Variants in DMD observed in about 807,000 individuals in gnomAD.
DMD encodes mutant dystrophin.
DMD carries 63 observed loss-of-function variants against 330.1 expected under a neutral mutation model. That is an observed-to-expected ratio of 0.19 (90% CI 0.16 to 0.24). DMD has a LOEUF of 0.24. Among genes scored for constraint, DMD ranks in the 10% least tolerant of loss-of-function variants. The pLI is 1.00. For missense variants in DMD, 3,344 were observed against 2,684.1 expected (o/e 1.25, Z -5.43); for synonymous variants, 1,223 against 959.8 (o/e 1.27, Z -5.07).
intron 62 of DMD, among the ~76,000 whole-genome samples, chrX:31,285,624 G>A (rs1414882408): frequency 1.8e-5 from 2 of 111,563 alleles, no homozygotes; most frequent in African/African-American, 6.5e-5. Flanking sequence ...TCAGTCTTTT[G>A]TGCTTCCAAA....
intron 52 of DMD, among the ~76,000 whole-genome samples, chrX:31,688,967 T>C (rs994302753): frequency 6.3e-5 from 7 of 111,660 alleles, no homozygotes; most frequent in African/African-American, 2.0e-4. Flanking sequence ...ATGGGACGTA[T>C]CTCAAAATAG....
chrX:32,210,609 T>C lies in DMD; in HGVS notation c.6438+6307A>G, dbSNP rs187687418. Among the ~76,000 whole-genome samples, 480 of 111,963 alleles carry C rather than the reference T, an allele frequency of 4.3e-3. 1 individual carries two copies. The highest frequency in any genetic ancestry group is 6.9e-3 in the Non-Finnish European group (369 of 53,180). ...TTTTCTAGATTATCCTTTAATTCAATCTGTATTAATATAAATTCACTTACC... is the reference window on the plus strand; with the variant it reads ...TTTTCTAGATTATCCTTTAATTCAACCTGTATTAATATAAATTCACTTACC... On this transcript the variant is annotated intron_variant, in intron 44 of 78. Coordinates refer to ENST00000357033, the MANE Select transcript of DMD (RefSeq NM_004006.3).
At chrX:32,727,351 G>C (rs1351392724) in intron 7 of DMD, among the ~76,000 whole-genome samples, 5 of 110,993 alleles carry the variant, frequency 4.5e-5, no homozygotes, top group South Asian at 3.8e-4. Context: ...AATTCATTGA[G>C]ACTTGTATAA....
chrX:33,113,601 CA>C (rs1269808363), intron 1 of DMD, among the ~76,000 whole-genome samples: 2 of 84,467 alleles, frequency 2.4e-5, no homozygotes, highest in African/African-American at 4.5e-5. Flanking sequence ...CCCCCCCCCC[CA>C]AAAAAATCTT....
At chrX:31,369,902 A>G (rs2059450415) in intron 60 of DMD, among the ~76,000 whole-genome samples, 1 of 111,069 alleles carries the variant, frequency 9.0e-6, no homozygotes. Context: ...CATATAAAAC[A>G]GGAGAGCCAA....
Position 32,660,709 on chromosome X carries a change from A to G in DMD, c.961-15557T>C, listed in dbSNP as rs191182098. 2.7e-3 allele frequency among the ~76,000 whole-genome samples: 304 copies of G among 111,404 alleles called. 2 individuals are homozygous for G. Among genetic ancestry groups the G allele is most frequent in the Middle Eastern group, 9.2e-3 (2 of 217 alleles). On this transcript the variant is annotated intron_variant, in intron 9 of 78. Transcript: ENST00000357033. ...TTTTGGAAATAATTTGAGAAATAAC[A>G]TAGTACTCACAGCCACTTGCCAACC...
intron 63 of DMD, among the ~76,000 whole-genome samples, chrX:31,258,943 C>A (rs1396820475): frequency 1.3e-5 from 1 of 79,042 alleles, no homozygotes; most frequent in Non-Finnish European, 2.4e-5. Context: ...ACATTACTTT[C>A]CAGTGGAAAA....
chrX:31,209,308 T>C (rs1404855557), intron 65 of DMD, among the ~76,000 whole-genome samples, 190 bp downstream of exon 65: 1 of 112,095 alleles, frequency 8.9e-6, no homozygotes, highest in Non-Finnish European at 1.9e-5. Context: ...GAGAGCAATC[T>C]ACATTCTGGC....
intron 61 of DMD, among the ~76,000 whole-genome samples, chrX:31,347,741 T>A (rs755592928): frequency 1.8e-5 from 2 of 112,681 alleles, no homozygotes; most frequent in Non-Finnish European, 3.8e-5. Flanking sequence ...TTGGGATGGA[T>A]AACCAGTAGT....
chrX:32,090,676 C>T (rs1379473570), intron 44 of DMD, among the ~76,000 whole-genome samples: 1 of 111,973 alleles, frequency 8.9e-6, no homozygotes, highest in Non-Finnish European at 1.9e-5. Context: ...GTTACCCTCA[C>T]ACACTCAGGT....
rs761892326 is a variant in DMD at position 31,168,218 on chromosome X, G to C, written c.10553+1225C>G. Among the ~76,000 whole-genome samples, 4 of 111,856 alleles carry C rather than the reference G, an allele frequency of 3.6e-5. No individual in the cohort carries two copies. In the East Asian group the frequency reaches 1.1e-3, roughly 31 times the overall value. ...TACAACAGCATAGCCAGAACACAGG[G>C]AGAACAAAAGAAGATGGCATAGAAA... On this transcript the variant is annotated intron_variant, in intron 74 of 78. Coordinates refer to ENST00000357033, the MANE Select transcript of DMD (RefSeq NM_004006.3).
intron 50 of DMD, among the ~76,000 whole-genome samples, chrX:31,777,474 A>ATT (rs199905015): frequency 5.9e-5 from 6 of 101,900 alleles, no homozygotes; most frequent in East Asian, 3.1e-4. Flanking sequence ...TTGCTCTATA[A>ATT]TTTTTTTTTT....
intron 42 of DMD, 133 bp downstream of exon 42, chrX:32,309,949 A>G: frequency 1.8e-6 from 1 of 555,160 alleles, no homozygotes; most frequent in Admixed American, 3.3e-5. Flanking sequence ...CCACACTATC[A>G]AGTATTTTTA....
intron 2 of DMD, among the ~76,000 whole-genome samples, chrX:32,860,479 G>A (rs1433339550): frequency 1.8e-5 from 2 of 111,599 alleles, no homozygotes; most frequent in African/African-American, 6.5e-5. Context: ...ACAAAGAATT[G>A]CAAAACTGGG....
rs191899552 is a variant in DMD at position 32,404,565 on chromosome X, G to A, written c.4233+7187C>T. Among the ~76,000 whole-genome samples, 10 of 111,155 alleles carry A rather than the reference G, an allele frequency of 9.0e-5. No homozygotes were observed. The East Asian group carries it at 2.8e-3, about 31-fold the overall frequency. ...TTGCTTGCAGTAATTTAAGCAACAG[G>A]GCCATGTTTTCCCCTACAAAATGTG... is the stretch of plus-strand genomic sequence containing the variant. On this transcript the variant is annotated intron_variant, in intron 30 of 78. Coordinates refer to ENST00000357033, the MANE Select transcript of DMD (RefSeq NM_004006.3).
intron 50 of DMD, among the ~76,000 whole-genome samples, chrX:31,791,262 A>T (rs1416791830): frequency 8.9e-6 from 1 of 112,388 alleles, no homozygotes; most frequent in Non-Finnish European, 1.9e-5. Context: ...GATATAAAAT[A>T]TCCAAATTGT....
At chrX:31,908,623 G>A (rs979876693) in intron 47 of DMD, among the ~76,000 whole-genome samples, 2 of 105,636 alleles carry the variant, frequency 1.9e-5, no homozygotes, top group Non-Finnish European at 3.9e-5. Flanking sequence ...TGTAAATGAC[G>A]AGTTAATGGG....
intron 7 of DMD, among the ~76,000 whole-genome samples, chrX:32,729,529 G>A (rs1050420370): frequency 1.6e-4 from 18 of 111,532 alleles, no homozygotes; most frequent in Non-Finnish European, 1.3e-4. Context: ...TCCAAGAGGA[G>A]TATTATATGC....
At chrX:32,814,881 A>G (rs1199168947) in intron 6 of DMD, among the ~76,000 whole-genome samples, 2 of 111,635 alleles carry the variant, frequency 1.8e-5, no homozygotes, top group East Asian at 5.7e-4. Flanking sequence ...GATCCTTGAT[A>G]TTTTTATTCA....
Sources: gnomAD v4.1 joint callset for allele counts (sites outside exome capture counted in the v4.1 genomes callset) on GRCh38, gnomAD v4.1.1 for gene constraint, MANE v1.5 for transcripts, NCBI Gene and HGNC (gene_info 2026-07-23, HGNC 2026-07-21) for gene names.